The following DOCK1 variants were observed in gnomAD, a reference collection of about 807,000 sequenced individuals.
DOCK1 encodes the protein dedicator of cytokinesis 1.
In DOCK1, 138 loss-of-function variants were observed where a neutral mutation model predicts 262.7. That is an observed-to-expected ratio of 0.53 (90% CI 0.46 to 0.61). The LOEUF (loss-of-function observed/expected upper bound fraction) is 0.61. Among genes scored for constraint, DOCK1 ranks in the 20% least tolerant of loss-of-function variants. The pLI, the probability that DOCK1 is intolerant of heterozygous loss-of-function variation, is 0.00. For missense variants in DOCK1, 1,908 were observed against 2,370.7 expected (o/e 0.80, Z 4.05); for synonymous variants, 866 against 867.4 (o/e 1.00, Z 0.03).
chr10:126,962,497 A>ATG (rs1372531251), intron 1 of DOCK1, among the ~76,000 whole-genome samples: 7 of 151,928 alleles, frequency 4.6e-5, no homozygotes, highest in Non-Finnish European at 7.4e-5. Context: ...GGATTTCACC[A>ATG]TGTTGGCCAG....
At position 127,282,300 on chromosome 10, in the gene DOCK1, T is replaced by C. The variant is rs74158651; in HGVS notation, c.3044+24871T>C. ...ATCTCTCACTCTGAAAGAAGTCCTG[T>C]TGGGGGAGTCCCAAAAGCTAAACCA... On this transcript the variant is annotated intron_variant, in intron 29 of 51. Transcript: ENST00000623213. Among the ~76,000 whole-genome samples, 456 of 152,206 alleles carry C rather than the reference T, an allele frequency of 3.0e-3. 4 individuals carry two copies. The highest frequency in any genetic ancestry group is 0.011 in the African/African-American group (443 of 41,532).
intron 44 of DOCK1, among the ~76,000 whole-genome samples, chr10:127,416,020 A>G (rs2068129287): frequency 6.6e-6 from 1 of 152,088 alleles, no homozygotes; most frequent in Non-Finnish European, 1.5e-5. Context: ...CCCCCGAAAC[A>G]CCTGATTATT....
At chr10:126,990,714 A>G (rs2039729403) in intron 6 of DOCK1, 111 bp downstream of exon 6, 4 of 1,279,664 alleles carry the variant, frequency 3.1e-6, no homozygotes, top group Non-Finnish European at 3.2e-6. Flanking sequence ...AATTTCTACC[A>G]TCAAAGTAAT....
rs2048174052 is a variant in DOCK1, at chr10:127,100,469, G to A, written c.2446-5762G>A. Among the ~76,000 whole-genome samples the A allele has an allele frequency of 6.6e-6, 1 of 152,188 alleles. No homozygotes were observed. The highest frequency in any genetic ancestry group is 2.4e-5 in the African/African-American group (1 of 41,462). ...AGCGGTGGCTTCCACCAAGGCAGGG[G>A]GAGTTTGCAATGTCTAGGGTCAGCC... On this transcript the variant is annotated intron_variant, in intron 23 of 51. Coordinates refer to ENST00000623213, the MANE Select transcript of DOCK1 (RefSeq NM_001290223.2). The surrounding 1 kb of genome is among the most constrained non-coding windows in gnomAD (Gnocchi z 5.5).
intron 27 of DOCK1, among the ~76,000 whole-genome samples, chr10:127,131,556 C>T (rs887235588): frequency 8.5e-5 from 13 of 152,196 alleles, no homozygotes; most frequent in Admixed American, 1.3e-4. Context: ...CAACCAGCCA[C>T]GAGCCCCCTC....
chr10:127,039,344 A>G (rs752342596), intron 19 of DOCK1, among the ~76,000 whole-genome samples: 4 of 152,110 alleles, frequency 2.6e-5, no homozygotes, highest in Non-Finnish European at 5.9e-5. Context: ...GTCCTCTTTC[A>G]TTTTGAAGTC....
In DOCK1 at chr10:127,085,154, A is replaced by G. The variant is rs142279478; in HGVS notation, c.2446-21077A>G. Among the ~76,000 whole-genome samples, 34 of 152,268 alleles carry G rather than the reference A, an allele frequency of 2.2e-4. No homozygotes were observed. The East Asian group carries it at 6.4e-3, about 29-fold the overall frequency. The stretch of plus-strand genomic sequence containing the variant: ...GAATCCTTATCTTTTTGCTTTCTTC[A>G]TTATGTGGCTTCCTCGATCTTTTTG... On this transcript the variant is annotated intron_variant, in intron 23 of 51. Transcript: ENST00000623213.
At chr10:127,201,024 G>T (rs1479510027) in intron 27 of DOCK1, among the ~76,000 whole-genome samples, 1 of 152,238 alleles carries the variant, frequency 6.6e-6, no homozygotes, top group African/African-American at 2.4e-5. Flanking sequence ...TGTGGTAGCA[G>T]ATCAGCCAGT....
intron 29 of DOCK1, chr10:127,272,147 A>G (rs1016118388): frequency 6.6e-6 from 1 of 152,226 alleles, no homozygotes; most frequent in South Asian, 2.1e-4. Flanking sequence ...GTACCTGTCA[A>G]ATTCCCAGAG....
intron 29 of DOCK1, among the ~76,000 whole-genome samples, chr10:127,336,598 G>C (rs2063204327): frequency 6.6e-6 from 1 of 150,806 alleles, no homozygotes; most frequent in African/African-American, 2.4e-5. Context: ...GGAGTGCAGT[G>C]GCGCAATCCT....
intron 29 of DOCK1, among the ~76,000 whole-genome samples, chr10:127,270,717 G>A (rs558004594): frequency 6.6e-6 from 1 of 152,218 alleles, no homozygotes; most frequent in East Asian, 1.9e-4. Context: ...TTCAGAGAAG[G>A]CTTCACTGCT....
chr10:127,024,681 A>G lies in DOCK1; in HGVS notation c.1453-4A>G. On this transcript the variant is annotated splice_region_variant and splice_polypyrimidine_tract_variant and intron_variant, in intron 14 of 51. Coordinates refer to ENST00000623213, the MANE Select transcript of DOCK1 (RefSeq NM_001290223.2). ...ACGTGAGCTCTTTATGTCTTCTTTTAAAGCATGTGATTTTCCCGGGTGCTG... is the reference window on the plus strand; with the variant it reads ...ACGTGAGCTCTTTATGTCTTCTTTTGAAGCATGTGATTTTCCCGGGTGCTG... 6.2e-7 allele frequency: 1 copy of G among 1,606,896 alleles called. No homozygotes were observed. Among genetic ancestry groups the G allele is most frequent in the African/African-American group, 1.3e-5 (1 of 74,980 alleles).
chr10:126,914,864 C>G (rs2032276199), intron 1 of DOCK1, among the ~76,000 whole-genome samples: 1 of 152,182 alleles, frequency 6.6e-6, no homozygotes, highest in African/African-American at 2.4e-5. Flanking sequence ...CTCTGCCCAG[C>G]CATTCAGAGT....
intron 10 of DOCK1, among the ~76,000 whole-genome samples, chr10:127,005,774 T>C (rs1468952805): frequency 6.6e-6 from 1 of 152,220 alleles, no homozygotes; most frequent in Non-Finnish European, 1.5e-5. Flanking sequence ...GCATATGATT[T>C]TTAAATACAA....
chr10:127,207,653 T>C (rs1465695365), intron 27 of DOCK1, among the ~76,000 whole-genome samples: 1 of 152,180 alleles, frequency 6.6e-6, no homozygotes, highest in Non-Finnish European at 1.5e-5. Context: ...TGTTAAAAGT[T>C]TTTCCTAAAG....
chr10:127,086,301 C>G (rs2047195855), intron 23 of DOCK1, among the ~76,000 whole-genome samples: 1 of 152,032 alleles, frequency 6.6e-6, no homozygotes, highest in African/African-American at 2.4e-5. Context: ...GTAGACTTCC[C>G]ACATTTCCCC....
chr10:127,054,880 G>T (rs1245925418), intron 22 of DOCK1, among the ~76,000 whole-genome samples: 4 of 152,118 alleles, frequency 2.6e-5, no homozygotes, highest in African/African-American at 9.7e-5. Context: ...TAAAACGATC[G>T]TGCATTGATA....
intron 28 of DOCK1, among the ~76,000 whole-genome samples, chr10:127,250,620 G>A (rs1475255618): frequency 6.6e-6 from 1 of 151,658 alleles, no homozygotes; most frequent in African/African-American, 2.4e-5. Context: ...GCAAAACCCC[G>A]TCTCCACTAA....
At chr10:127,108,447 C>T (rs779340418) in intron 24 of DOCK1, among the ~76,000 whole-genome samples, 1 of 152,100 alleles carries the variant, frequency 6.6e-6, no homozygotes, top group Non-Finnish European at 1.5e-5. Flanking sequence ...ATTAGCTGGG[C>T]ATGATGGCGG....
Sources: allele counts gnomAD v4.1 joint callset (sites outside exome capture counted in the v4.1 genomes callset), GRCh38; gene constraint gnomAD v4.1.1; non-coding constraint Gnocchi (gnomAD v3.1); transcripts MANE v1.5; gene names NCBI Gene and HGNC (gene_info 2026-07-23, HGNC 2026-07-21).